KDM2B: variants seen among roughly 807,000 people sequenced by gnomAD.
KDM2B encodes the protein lysine-specific demethylase 2B.
A neutral mutation model predicts 150.0 loss-of-function variants in KDM2B; 26 were observed. That is an observed-to-expected ratio of 0.17 (90% confidence interval 0.13 to 0.24). KDM2B has a LOEUF of 0.24. Among genes scored for constraint, KDM2B ranks in the 10% least tolerant of loss-of-function variants. The pLI is 1.00. For synonymous variants in KDM2B, 734 were observed against 729.5 expected, an observed-to-expected ratio of 1.01 and a Z score of -0.10; for missense variants, 1,265 against 1,816.9, an observed-to-expected ratio of 0.70 and a Z score of 5.52.
intron 12 of KDM2B, chr12:121,494,153 G>T (rs781838297): frequency 1.2e-5 from 2 of 168,586 alleles, no homozygotes; most frequent in Non-Finnish European, 2.6e-5. Context: ...CACCGCGCTC[G>T]ACCGATTAGA....
intron 12 of KDM2B, among the ~76,000 whole-genome samples, chr12:121,473,820 A>G (rs1419307959): frequency 3.3e-5 from 5 of 152,190 alleles, no homozygotes; most frequent in African/African-American, 2.4e-5. Context: ...AGCCACAGGT[A>G]GAAACGATTC....
chr12:121,462,732 T>G (rs2139254573), intron 12 of KDM2B, among the ~76,000 whole-genome samples: 1 of 152,102 alleles, frequency 6.6e-6, no homozygotes, highest in African/African-American at 2.4e-5. Context: ...GACCTTGTGA[T>G]TCGCCCGTCT....
chr12:121,413,217 GCGT>G, the KDM2B span, among the ~76,000 whole-genome samples: 13 of 151,714 alleles, frequency 8.6e-5, no homozygotes, highest in Non-Finnish European at 1.9e-4. Context: ...AGTAGAGACG[GCGT>G]TTCGCCATGT....
chr12:121,514,511 T>A (rs1242388831), intron 9 of KDM2B, among the ~76,000 whole-genome samples: 1 of 151,236 alleles, frequency 6.6e-6, no homozygotes, highest in Non-Finnish European at 1.5e-5. Flanking sequence ...TGGAAAGAGG[T>A]CCCTGACACC....
At chr12:121,484,085 G>A (rs1882469527) in intron 12 of KDM2B, among the ~76,000 whole-genome samples, 1 of 152,150 alleles carries the variant, frequency 6.6e-6, no homozygotes, top group African/African-American at 2.4e-5. Flanking sequence ...CCACAGGGAG[G>A]AAGCTGGAGA....
intron 17 of KDM2B, chr12:121,443,320 G>C: frequency 3.4e-6 from 2 of 580,764 alleles, no homozygotes; most frequent in Non-Finnish European, 3.1e-6. Context: ...CTCGGCTCTG[G>C]GAGCCAGTTC....
chr12:121,421,651 A>C, the KDM2B span, among the ~76,000 whole-genome samples: 2 of 152,196 alleles, frequency 1.3e-5, no homozygotes, highest in Non-Finnish European at 2.9e-5. Flanking sequence ...TGGACAAGAA[A>C]AAATAATTCA....
At chr12:121,470,368 G>A (rs1880642187) in intron 12 of KDM2B, 1 of 152,152 alleles carries the variant, frequency 6.6e-6, no homozygotes, top group Admixed American at 6.6e-5. Flanking sequence ...AGAGATAGAA[G>A]GGGGTCTCTC....
At chr12:121,459,919 A>G (rs1034467641) in intron 12 of KDM2B, among the ~76,000 whole-genome samples, 9 of 152,200 alleles carry the variant, frequency 5.9e-5, no homozygotes, top group African/African-American at 2.2e-4. Flanking sequence ...TAAATCATGT[A>G]TCTAGCAAGC....
At chr12:121,426,462 TA>T (rs1188830295), downstream of KDM2B, among the ~76,000 whole-genome samples, 1 of 142,758 alleles carries the variant, frequency 7.0e-6, no homozygotes, top group Non-Finnish European at 1.5e-5. Context: ...CTTTTTTTTT[TA>T]AAGACAGAGT....
intron 1 of KDM2B, chr12:121,580,566 G>C (rs1891896878): frequency 9.8e-7 from 1 of 1,021,258 alleles, no homozygotes; most frequent in African/African-American, 1.7e-5. Context: ...CCCGGAGATG[G>C]CGGGGCAGGG....
In KDM2B at chr12:121,518,130, TC is replaced by T. The variant is rs1886387291; in HGVS notation, c.1047+2854del. 6.6e-6 allele frequency among the ~76,000 whole-genome samples: 1 copy of T among 152,044 alleles called. No individual in the cohort carries two copies. The highest frequency in any genetic ancestry group is 1.5e-5 in the Non-Finnish European group (1 of 68,012). On this transcript the variant is annotated intron_variant, in intron 9 of 22. Transcript: ENST00000377071. The surrounding 1 kb of genome is among the most constrained non-coding windows in gnomAD (Gnocchi z 4.4). Reference sequence around the variant, plus strand: ...CTGGTCTCGAACCCCTGACCTCAGATCATCCGCCCGCCTTGGCCTCCCAAAG... The same window carrying T: ...CTGGTCTCGAACCCCTGACCTCAGATATCCGCCCGCCTTGGCCTCCCAAAG...
At chr12:121,417,020 T>C in the KDM2B span, among the ~76,000 whole-genome samples, 1 of 152,370 alleles carries the variant, frequency 6.6e-6, no homozygotes, top group South Asian at 2.1e-4. The surrounding 1 kb of genome is among the most constrained non-coding windows in gnomAD (Gnocchi z 5.0). Context: ...GATTAGGCTG[T>C]GTAGTTTACA....
the KDM2B span, chr12:121,418,330 G>A: frequency 6.2e-6 from 1 of 161,674 alleles, no homozygotes; most frequent in East Asian, 1.9e-4. Flanking sequence ...CAGTGAAATT[G>A]TTCTAATTTA....
chr12:121,508,325 G>A (rs1885279966), intron 11 of KDM2B, among the ~76,000 whole-genome samples: 1 of 152,100 alleles, frequency 6.6e-6, no homozygotes, highest in South Asian at 2.1e-4. Context: ...GGCCTCAAAT[G>A]ATCCATCTGC....
intron 12 of KDM2B, among the ~76,000 whole-genome samples, chr12:121,454,463 G>C (rs1371013508): frequency 2.0e-5 from 3 of 152,148 alleles, no homozygotes; most frequent in Non-Finnish European, 4.4e-5. Flanking sequence ...CCTGCCCTCT[G>C]GTTCCCAGCC....
At chr12:121,544,502 C>A (rs980519135) in intron 6 of KDM2B, among the ~76,000 whole-genome samples, 2 of 151,480 alleles carry the variant, frequency 1.3e-5, no homozygotes, top group Non-Finnish European at 2.9e-5. Context: ...CCCAGCTGCT[C>A]GGGAGGCTGA....
chr12:121,517,825 G>A lies in KDM2B; in HGVS notation c.1047+3160C>T, dbSNP rs146134751. Among the ~76,000 whole-genome samples, 643 of 152,104 alleles carry A rather than the reference G, an allele frequency of 4.2e-3. 5 individuals are homozygous for A. The highest frequency in any genetic ancestry group is 0.015 in the African/African-American group (618 of 41,500). The stretch of plus-strand genomic sequence containing the variant: ...ACACCATGGAGCTTGGAGACTGACC[G>A]ATGGTTCCCTCTGTCCCACCTCCTG... On this transcript the variant is annotated intron_variant, in intron 9 of 22. Transcript: ENST00000377071.
intron 4 of KDM2B, among the ~76,000 whole-genome samples, chr12:121,558,116 G>A (rs192813590): frequency 1.1e-4 from 16 of 152,348 alleles, no homozygotes; most frequent in Non-Finnish European, 2.4e-4. Flanking sequence ...AGTGCCGTGA[G>A]GGCAGGAGGC....
Sources: allele counts gnomAD v4.1 joint callset (sites outside exome capture counted in the v4.1 genomes callset), GRCh38; gene constraint gnomAD v4.1.1; non-coding constraint Gnocchi (gnomAD v3.1); transcripts MANE v1.5; gene names NCBI Gene and HGNC (gene_info 2026-07-23, HGNC 2026-07-21).